Variants in PDE1C observed in about 807,000 individuals in gnomAD.
PDE1C encodes the protein dual specificity calcium/calmodulin-dependent 3',5'-cyclic nucleotide phosphodiesterase 1C.
PDE1C carries 62 observed loss-of-function variants against 93.1 expected under a neutral mutation model. The observed-to-expected ratio is 0.67, with a 90% CI of 0.54 to 0.82. The LOEUF (loss-of-function observed/expected upper bound fraction) is 0.82. Ranked by LOEUF, PDE1C falls within the 40% of genes least tolerant of loss-of-function variation. PDE1C has a pLI of 0.00. For synonymous variants in PDE1C, 325 were observed against 310.1 expected (o/e 1.05, Z -0.50); for missense variants, 742 against 884.6 (o/e 0.84, Z 2.04).
At chr7:32,002,480 T>TATG in intron 2 of PDE1C, among the ~76,000 whole-genome samples, 2 of 152,148 alleles carry the variant, frequency 1.3e-5, no homozygotes, top group African/African-American at 4.8e-5. Context: ...GAAAATGGGG[T>TATG]GATCCAGGTA....
chr7:31,688,558 C>A, the PDE1C span, among the ~76,000 whole-genome samples: 19 of 152,210 alleles, frequency 1.2e-4, no homozygotes, highest in African/African-American at 4.3e-4. Flanking sequence ...GTTCCTTCCC[C>A]CTTTCAGTTC....
the PDE1C span, among the ~76,000 whole-genome samples, chr7:31,681,771 A>G: frequency 6.6e-6 from 1 of 152,312 alleles, no homozygotes; most frequent in African/African-American, 2.4e-5. Flanking sequence ...TAGTTCTTGG[A>G]TGCCAAAAAT....
intron 15 of PDE1C, among the ~76,000 whole-genome samples, 170 bp from the exon 16 acceptor site, chr7:31,809,278 G>A (rs1326673770): frequency 1.3e-5 from 2 of 152,028 alleles, no homozygotes; most frequent in African/African-American, 4.8e-5. Flanking sequence ...CTGGAAATTG[G>A]ATTGTGATGC....
chr7:32,181,221 C>A (rs886734792), intron 2 of PDE1C, among the ~76,000 whole-genome samples: 9 of 152,114 alleles, frequency 5.9e-5, no homozygotes, highest in African/African-American at 2.2e-4. Flanking sequence ...ACCCCACTGT[C>A]AACATTAGAC....
At chr7:32,094,550 G>T (rs1797645628) in intron 3 of PDE1C, among the ~76,000 whole-genome samples, 1 of 152,178 alleles carries the variant, frequency 6.6e-6, no homozygotes, top group African/African-American at 2.4e-5. Context: ...AGTTATTGTT[G>T]AACAGATAAG....
the PDE1C span, among the ~76,000 whole-genome samples, chr7:31,624,995 T>G: frequency 6.6e-6 from 1 of 152,170 alleles, no homozygotes; most frequent in Non-Finnish European, 1.5e-5. Context: ...AAGAAGACAT[T>G]TATGCAGTCA....
chr7:31,826,216 T>C (rs899253688), intron 12 of PDE1C, among the ~76,000 whole-genome samples: 1 of 152,154 alleles, frequency 6.6e-6, no homozygotes, highest in African/African-American at 2.4e-5. Context: ...AATGTATGAA[T>C]GCATATTTAG....
intron 2 of PDE1C, among the ~76,000 whole-genome samples, chr7:31,972,800 G>A (rs1185272488): frequency 6.6e-6 from 1 of 152,146 alleles, no homozygotes; most frequent in African/African-American, 2.4e-5. Flanking sequence ...CCCTGTAGGA[G>A]GCACCAGGAA....
chr7:32,308,394 C>G (rs1193854165), intron 1 of PDE1C, among the ~76,000 whole-genome samples: 1 of 152,246 alleles, frequency 6.6e-6, no homozygotes, highest in Non-Finnish European at 1.5e-5. Flanking sequence ...GTGGTTCTCC[C>G]AGCACGCAGC....
At chr7:31,893,403 T>C (rs1583827298) in intron 2 of PDE1C, 1 of 780,966 alleles carries the variant, frequency 1.3e-6, no homozygotes, top group Non-Finnish European at 1.6e-6. Flanking sequence ...TAACTGAACG[T>C]GTCAAAAGCC....
At chr7:31,737,504 T>C in the PDE1C span, among the ~76,000 whole-genome samples, 1 of 152,034 alleles carries the variant, frequency 6.6e-6, no homozygotes, top group Non-Finnish European at 1.5e-5. Flanking sequence ...TATTGTAGTG[T>C]AGAAAAGTAA....
chr7:32,086,876 T>C (rs1227861445), intron 3 of PDE1C, among the ~76,000 whole-genome samples: 3 of 151,716 alleles, frequency 2.0e-5, no homozygotes, highest in Admixed American at 2.0e-4. Flanking sequence ...AAGACTTACA[T>C]GTTAGACCTA....
At chr7:31,896,657 G>C (rs190257114) in intron 2 of PDE1C, among the ~76,000 whole-genome samples, 3 of 152,192 alleles carry the variant, frequency 2.0e-5, no homozygotes, top group Non-Finnish European at 2.9e-5. Flanking sequence ...CCAGTGCAAT[G>C]ATTCCCAAAG....
chr7:32,078,097 G>T, intron 3 of PDE1C: 1 of 892,820 alleles, frequency 1.1e-6, no homozygotes, highest in Non-Finnish European at 1.3e-6. Context: ...GATGCTACAA[G>T]TCAGCCAAAT....
chr7:32,125,022 C>G (rs1186600684), intron 3 of PDE1C, among the ~76,000 whole-genome samples: 2 of 151,958 alleles, frequency 1.3e-5, no homozygotes, highest in African/African-American at 4.8e-5. Flanking sequence ...AACAAATTTA[C>G]AAGAAAAAAG....
intron 2 of PDE1C, among the ~76,000 whole-genome samples, chr7:32,027,296 T>C (rs960977166): frequency 4.6e-5 from 7 of 151,982 alleles, no homozygotes; most frequent in Non-Finnish European, 1.0e-4. Context: ...ATCTGTACCT[T>C]CCTCTCACTT....
intron 1 of PDE1C, among the ~76,000 whole-genome samples, chr7:32,245,968 C>CTTTTTT (rs369247468): frequency 1.7e-4 from 16 of 94,850 alleles, no homozygotes; most frequent in African/African-American, 3.3e-4. Context: ...TTTTTCTTTT[C>CTTTTTT]TTTTTTTTTT....
intron 2 of PDE1C, among the ~76,000 whole-genome samples, chr7:32,003,834 A>AT (rs1384905675): frequency 9.9e-5 from 15 of 152,200 alleles, no homozygotes. Context: ...ATAGAAAAAC[A>AT]TTTTTACTCT....
chr7:32,036,554 A>G (rs1189290014), intron 2 of PDE1C, among the ~76,000 whole-genome samples: 1 of 152,214 alleles, frequency 6.6e-6, no homozygotes, highest in Non-Finnish European at 1.5e-5. Flanking sequence ...AACATTAATA[A>G]AAGTAATAAA....
Sources: allele counts gnomAD v4.1 joint callset (sites outside exome capture counted in the v4.1 genomes callset), GRCh38; gene constraint gnomAD v4.1.1; transcripts MANE v1.5; gene names NCBI Gene and HGNC (gene_info 2026-07-23, HGNC 2026-07-21).